The following VTI1A variants were observed in gnomAD, a reference collection of about 807,000 sequenced individuals.
VTI1A encodes vesicle transport through interaction with t-SNAREs homolog 1A.
In VTI1A, 22 loss-of-function variants were observed where a neutral mutation model predicts 34.9. That is an observed-to-expected ratio of 0.63 (90% CI 0.45 to 0.90). The LOEUF (loss-of-function observed/expected upper bound fraction) is 0.90, where lower values mean the gene tolerates loss of function less well. Among genes scored for constraint, VTI1A ranks in the 40% least tolerant of loss-of-function variants. VTI1A has a pLI of 0.00. For missense variants in VTI1A, 268 were observed against 275.6 expected, an observed-to-expected ratio of 0.97 and a Z score of 0.20; for synonymous variants, 87 against 97.3, an observed-to-expected ratio of 0.89 and a Z score of 0.62.
intron 5 of VTI1A, among the ~76,000 whole-genome samples, chr10:112,649,883 C>T (rs1296605790): frequency 6.6e-6 from 1 of 152,098 alleles, no homozygotes; most frequent in Non-Finnish European, 1.5e-5. Context: ...AAATGATCCA[C>T]CTGGACGGGA....
chr10:112,468,670 C>T (rs140620989), intron 3 of VTI1A, among the ~76,000 whole-genome samples: 48 of 152,306 alleles, frequency 3.2e-4, no homozygotes, highest in African/African-American at 1.1e-3. Flanking sequence ...CAGGCTTCCT[C>T]AGTACTTACT....
At position 112,475,951 on chromosome 10, in the gene VTI1A, C is replaced by T. The variant is rs968088924; in HGVS notation, c.264+11294C>T. On this transcript the variant is annotated intron_variant, in intron 3 of 7. Coordinates refer to ENST00000393077, the MANE Select transcript of VTI1A (RefSeq NM_145206.4). The stretch of plus-strand genomic sequence containing the variant: ...CTGTGTTGAATGTTTTATTAACCAG[C>T]CCAGTGCAACTGTCAGCCTATTAAA... Among the ~76,000 whole-genome samples, 4 of 152,170 alleles carry T rather than the reference C, an allele frequency of 2.6e-5. No homozygotes were observed. The South Asian group carries it at 8.3e-4, about 32-fold the overall frequency.
intron 5 of VTI1A, among the ~76,000 whole-genome samples, chr10:112,609,662 A>T (rs1403183008): frequency 6.6e-6 from 1 of 152,172 alleles, no homozygotes; most frequent in Non-Finnish European, 1.5e-5. Flanking sequence ...TCTTCTGAAT[A>T]CTTTGTCATC....
intron 5 of VTI1A, among the ~76,000 whole-genome samples, chr10:112,546,798 A>G (rs1261566171): frequency 6.6e-6 from 1 of 152,204 alleles, no homozygotes; most frequent in Non-Finnish European, 1.5e-5. Flanking sequence ...AGTTCCTTGC[A>G]TAAAAGAAAA....
At chr10:112,700,687 A>G (rs896714684) in intron 7 of VTI1A, among the ~76,000 whole-genome samples, 1 of 152,256 alleles carries the variant, frequency 6.6e-6, no homozygotes, top group Non-Finnish European at 1.5e-5. Flanking sequence ...TAGCTATTGT[A>G]TAAGTCAAGT....
intron 5 of VTI1A, among the ~76,000 whole-genome samples, chr10:112,636,773 G>C (rs1375505955): frequency 6.7e-6 from 1 of 148,498 alleles, no homozygotes; most frequent in East Asian, 2.0e-4. Flanking sequence ...AGTATCTTTT[G>C]TTCTTTGGTG....
chr10:112,779,534 G>A (rs921213728), intron 7 of VTI1A, among the ~76,000 whole-genome samples: 3 of 152,168 alleles, frequency 2.0e-5, no homozygotes, highest in African/African-American at 7.2e-5. Context: ...CATGCCAAAG[G>A]TGTAGGCGCT....
chr10:112,616,787 TA>T (rs1374124360), intron 5 of VTI1A, among the ~76,000 whole-genome samples: 2 of 152,080 alleles, frequency 1.3e-5, no homozygotes, highest in African/African-American at 4.8e-5. Context: ...GGAATGGATT[TA>T]AAAGCAGATC....
chr10:112,518,184 A>T (rs1190012434), intron 3 of VTI1A, among the ~76,000 whole-genome samples: 2 of 152,084 alleles, frequency 1.3e-5, no homozygotes, highest in East Asian at 3.9e-4. Flanking sequence ...TGAGACATGA[A>T]TAAATGGAGT....
intron 3 of VTI1A, among the ~76,000 whole-genome samples, chr10:112,467,944 GA>G (rs886667791): frequency 1.3e-5 from 2 of 152,142 alleles, no homozygotes; most frequent in Non-Finnish European, 2.9e-5. Context: ...TATAGTGGGG[GA>G]AAAAATCTAG....
chr10:112,764,781 T>A (rs577078984), intron 7 of VTI1A, among the ~76,000 whole-genome samples: 1 of 152,344 alleles, frequency 6.6e-6, no homozygotes, highest in South Asian at 2.1e-4. Context: ...TAGTTAGTGT[T>A]GTCAGCGCAC....
chr10:112,607,286 C>CAA (rs368476703), intron 5 of VTI1A, among the ~76,000 whole-genome samples: 3 of 115,686 alleles, frequency 2.6e-5, no homozygotes, highest in African/African-American at 3.2e-5. Context: ...GACTCCATCT[C>CAA]AAAAAAAAAA....
At chr10:112,807,336 A>G (rs1853122501) in intron 7 of VTI1A, among the ~76,000 whole-genome samples, 1 of 152,214 alleles carries the variant, frequency 6.6e-6, no homozygotes, top group Non-Finnish European at 1.5e-5. Context: ...CGAAGACTAG[A>G]AGTCTGAAGT....
In VTI1A at chr10:112,747,263, G is replaced by T. The variant is rs113275722; in HGVS notation, c.561-68027G>T. 7.8e-3 allele frequency among the ~76,000 whole-genome samples: 1,187 copies of T among 152,308 alleles called. 17 individuals are homozygous for T. Among genetic ancestry groups the T allele is most frequent in the African/African-American group, 0.028 (1,146 of 41,566 alleles). On this transcript the variant is annotated intron_variant, in intron 7 of 7. Transcript: ENST00000393077. The stretch of plus-strand genomic sequence containing the variant: ...CAAACAGGAGCTGTTTTTATCATCT[G>T]CCACAAGTATTCTTATTAGCATGCA...
At chr10:112,651,461 C>T (rs1847013557) in intron 5 of VTI1A, among the ~76,000 whole-genome samples, 1 of 152,308 alleles carries the variant, frequency 6.6e-6, no homozygotes, top group Non-Finnish European at 1.5e-5. Context: ...CAGGCATGCA[C>T]CACCACACCC....
chr10:112,499,536 A>T (rs1318724718), intron 3 of VTI1A, among the ~76,000 whole-genome samples: 3 of 152,186 alleles, frequency 2.0e-5, no homozygotes, highest in Non-Finnish European at 4.4e-5. Context: ...CTAGACTTTC[A>T]CATTGCATTC....
In VTI1A at chr10:112,669,040, T is replaced by A. The variant is rs1456642401; in HGVS notation, c.560+42T>A. Reference sequence around the variant, plus strand: ...GACATATCTTTCTCTCTGTGTGTTTTTTTAAAATACTATGTTTTCATTCAA... The same window carrying A: ...GACATATCTTTCTCTCTGTGTGTTTATTTAAAATACTATGTTTTCATTCAA... On this transcript the variant is annotated intron_variant, in intron 7 of 7. Coordinates refer to ENST00000393077, the MANE Select transcript of VTI1A (RefSeq NM_145206.4). 4 of 1,604,090 alleles carry A rather than the reference T, an allele frequency of 2.5e-6. No homozygotes were observed. The South Asian group carries it at 4.5e-5, about 18-fold the overall frequency.
intron 5 of VTI1A, among the ~76,000 whole-genome samples, chr10:112,615,830 G>T (rs1330325524): frequency 6.6e-6 from 1 of 152,158 alleles, no homozygotes; most frequent in Admixed American, 6.5e-5. Context: ...AAGGCCCTAG[G>T]ACAGGAAGGA....
At chr10:112,693,320 G>A (rs368634653) in intron 7 of VTI1A, among the ~76,000 whole-genome samples, 2 of 152,188 alleles carry the variant, frequency 1.3e-5, no homozygotes, top group East Asian at 3.9e-4. Flanking sequence ...CCCGAGGCAG[G>A]CAGGTTGCCT....
Sources: gnomAD v4.1 joint callset for allele counts (sites outside exome capture counted in the v4.1 genomes callset) on GRCh38, gnomAD v4.1.1 for gene constraint, MANE v1.5 for transcripts, NCBI Gene and HGNC (gene_info 2026-07-23, HGNC 2026-07-21) for gene names.